Variants in PYGO2 observed in about 807,000 individuals in gnomAD.
PYGO2 encodes the protein pygopus family PHD finger 2, also known as pygopus homolog 2.
In PYGO2, 9 loss-of-function variants were observed where a neutral mutation model predicts 26.7. That is an observed-to-expected ratio of 0.34 (90% CI 0.20 to 0.59). The LOEUF is 0.59. Ranked by LOEUF, PYGO2 falls within the 20% of genes least tolerant of loss-of-function variation. The pLI is 0.84. For synonymous variants in PYGO2, 236 were observed against 219.0 expected, an observed-to-expected ratio of 1.08 and a Z score of -0.68; for missense variants, 538 against 561.5, an observed-to-expected ratio of 0.96 and a Z score of 0.42.
chr1:154,960,991 T>C lies in PYGO2; in HGVS notation c.139A>G (p.Lys47Glu). The change falls in exon 2 of 3, where the codon AAG (lysine) becomes GAG (glutamate). Residue 47 changes from lysine (K) to glutamate (E), a missense_variant. Transcript: ENST00000368457. ...CCACCATTCACCTGAGTATTTGACTTCCTTCGCTTCTTTTCTGGACTCTTC... is the reference window on the plus strand; with the variant it reads ...CCACCATTCACCTGAGTATTTGACTCCCTTCGCTTCTTTTCTGGACTCTTC... ...QMKSPEKKRR[K>E]SNTQGPAYSH... The C allele has an allele frequency of 1.9e-6, 3 of 1,614,008 alleles. No homozygotes were observed. The highest frequency in any genetic ancestry group is 2.5e-6 in the Non-Finnish European group (3 of 1,179,952).
rs1286008441 is a variant in PYGO2 at position 154,961,568 on chromosome 1, G to A, written c.9C>T (p.Ala3=). The A allele has an allele frequency of 1.5e-6, 2 of 1,366,624 alleles. No individual in the cohort carries two copies. Among genetic ancestry groups the A allele is most frequent in the Non-Finnish European group, 1.9e-6 (2 of 1,063,120 alleles). 84.7% of individuals were successfully genotyped at this position (1,366,624 alleles called of 1,614,324 possible). A position where few individuals can be genotyped will look rare whatever the true frequency, so the allele number is the denominator to read the frequency against. The change falls in exon 1 of 3, where the codon GCC becomes GCT. Residue 3 remains alanine, a synonymous_variant. Coordinates refer to ENST00000368457, the MANE Select transcript of PYGO2 (RefSeq NM_138300.4). MA[A]SAPPPPDKLE... ...GCTTGTCCGGTGGGGGCGGCGCCGA[G>A]GCGGCCATGGAGTGGGGGACCCGGG...
rs2101997923 is a variant in PYGO2, at chr1:154,961,511, AG to A, written c.65del (p.Pro22LeufsTer17). ...GCTTCCTCCCGGTGCTGGGCGGCGC[AG>A]GGGGCGGTGCGGGGCCGCCACCTCC... ...LEGGGGPAPP[P>X]APPSTGRKQG... On this transcript the variant is annotated frameshift_variant, in exon 1 of 3. Coordinates refer to ENST00000368457, the MANE Select transcript of PYGO2 (RefSeq NM_138300.4). LOFTEE classifies it high-confidence loss of function. 7 of 1,451,224 alleles carry A rather than the reference AG, an allele frequency of 4.8e-6. No individual in the cohort carries two copies. The highest frequency in any genetic ancestry group is 5.4e-5 in the Admixed American group (2 of 36,792). The allele number at this position is 1,451,224 out of a possible 1,614,324, so 89.9% of individuals were successfully genotyped here.
In PYGO2 at chr1:154,961,614, T is replaced by C. The variant is rs1571410858; in HGVS notation, c.-38A>G. The C allele has an allele frequency of 1.6e-6, 1 of 612,198 alleles. No homozygotes were observed. Among genetic ancestry groups the C allele is most frequent in the Admixed American group, 3.9e-5 (1 of 25,438 alleles). The allele number at this position is 612,198 out of a possible 1,614,324, so 37.9% of individuals were successfully genotyped here. On this transcript the variant is annotated 5_prime_UTR_variant, in exon 1 of 3. Transcript: ENST00000368457. Reference sequence around the variant, plus strand: ...CCGGGTTAGCGGCAGCGGCGGGGGATGGAGGCGCCCTTGGGCTGCACCATC... The same window carrying C: ...CCGGGTTAGCGGCAGCGGCGGGGGACGGAGGCGCCCTTGGGCTGCACCATC...
chr1:154,961,551 G>A lies in PYGO2; in HGVS notation c.26C>T (p.Pro9Leu), dbSNP rs1203737190. The A allele has an allele frequency of 7.2e-7, 1 of 1,388,150 alleles. No individual in the cohort carries two copies. Among genetic ancestry groups the A allele is most frequent in the Non-Finnish European group, 9.3e-7 (1 of 1,079,316 alleles). The allele number at this position is 1,388,150 out of a possible 1,614,324, so 86.0% of individuals were successfully genotyped here. Reference protein sequence around the residue: MAASAPPPPDKLEGGGGPA... With the variant: MAASAPPPLDKLEGGGGPA... ...GCCGCCACCTCCCTCCAGCTTGTCCGGTGGGGGCGGCGCCGAGGCGGCCAT... is the reference window on the plus strand; with the variant it reads ...GCCGCCACCTCCCTCCAGCTTGTCCAGTGGGGGCGGCGCCGAGGCGGCCAT... Residue 9 changes from proline to leucine, a missense_variant, in exon 1 of 3, where the codon CCG becomes CTG. Physicochemically the swap from Pro to Leu is moderately conservative, Grantham distance 98. This residue lies in a region of PYGO2 where 79 missense variants were observed against 92.7 expected (regional missense o/e 0.85). Coordinates refer to ENST00000368457, the MANE Select transcript of PYGO2 (RefSeq NM_138300.4).
chr1:154,961,119 C>T, intron 1 of PYGO2, 93 bp from the exon 2 acceptor site: 2 of 1,113,928 alleles, frequency 1.8e-6, no homozygotes, highest in Non-Finnish European at 2.6e-6. Flanking sequence ...ACTCCTTTAA[C>T]GTCAATACAT....
At chr1:154,961,326 C>G (rs1184440114) in intron 1 of PYGO2, 148 bp downstream of exon 1, 1 of 616,182 alleles carries the variant, frequency 1.6e-6, no homozygotes, top group Non-Finnish European at 2.7e-6. Context: ...CTGCCCCCAA[C>G]CCCTGGAGGA....
Position 154,959,542 on chromosome 1 carries a change from C to T in PYGO2, c.458G>A (p.Gly153Asp). Residue 153 changes from glycine (G) to aspartate (D), a missense_variant, in exon 3 of 3, where the codon GGC (glycine) becomes GAC (aspartate). Gly to Asp is a moderately conservative substitution (Grantham distance 94, BLOSUM62 -1). This residue lies in a region of PYGO2 where 381 missense variants were observed against 336.6 expected (regional missense o/e 1.13). Coordinates refer to ENST00000368457, the MANE Select transcript of PYGO2 (RefSeq NM_138300.4). The surrounding 1 kb of genome is among the most constrained non-coding windows in gnomAD (Gnocchi z 4.7). ...GTTCATGTTGCCTGGGGGTGGGTAG[C>T]CAGGACCCTGGGGGGGCATGTTGAA... Reference protein sequence around the residue: ...PAFNMPPQGPGYPPPGNMNFP... With the variant: ...PAFNMPPQGPDYPPPGNMNFP... 6.8e-7 allele frequency: 1 copy of T among 1,468,440 alleles called. No individual in the cohort carries two copies. Among genetic ancestry groups the T allele is most frequent in the Non-Finnish European group, 9.0e-7 (1 of 1,107,456 alleles). The allele number at this position is 1,468,440 out of a possible 1,614,324, so 91.0% of individuals were successfully genotyped here.
At chr1:154,960,846 A>C (rs947887138) in intron 2 of PYGO2, 131 bp downstream of exon 2, 1 of 930,622 alleles carries the variant, frequency 1.1e-6, no homozygotes, top group African/African-American at 1.6e-5. Flanking sequence ...CAAGAAGCAA[A>C]GCAAGAAAGA....
Position 154,959,597 on chromosome 1 carries a change from G to A in PYGO2, c.403C>T (p.Pro135Ser), listed in dbSNP as rs983928122. Reference sequence around the variant, plus strand: ...GGGCCCATAGGATTGGGAGGGAAGGGGGGTGGCTGTCGACGGAGTGGCTGG... The same window carrying A: ...GGGCCCATAGGATTGGGAGGGAAGGAGGGTGGCTGTCGACGGAGTGGCTGG... ...GPQPLRRQPP[P>S]FPPNPMGPAF... The change falls in exon 3 of 3, where the codon CCC (proline) becomes TCC (serine). Residue 135 changes from proline (P) to serine (S), a missense_variant. Pro to Ser is a moderately conservative substitution (Grantham distance 74, BLOSUM62 -1). Transcript: ENST00000368457. The surrounding 1 kb of genome is among the most constrained non-coding windows in gnomAD (Gnocchi z 4.7). 5 of 1,441,238 alleles carry A rather than the reference G, an allele frequency of 3.5e-6. No individual in the cohort carries two copies. In the Admixed American group the frequency reaches 7.9e-5, roughly 23 times the overall value. 89.3% of individuals were successfully genotyped at this position (1,441,238 alleles called of 1,614,324 possible). A position where few individuals can be genotyped will look rare whatever the true frequency, so the allele number is the denominator to read the frequency against.
intron 2 of PYGO2, 89 bp downstream of exon 2, chr1:154,960,888 A>T (rs1655336606): frequency 2.4e-6 from 3 of 1,229,640 alleles, no homozygotes; most frequent in Non-Finnish European, 1.2e-6. Flanking sequence ...CAGCTGATAC[A>T]AGATACAAAC....
chr1:154,958,903 T>C lies in PYGO2; in HGVS notation c.1097A>G (p.Tyr366Cys), dbSNP rs1333761689. Residue 366 changes from tyrosine to cysteine, a missense_variant, in exon 3 of 3, where the codon TAT becomes TGT. Around this residue, in one of 4 missense-constraint regions of PYGO2, gnomAD observed 72 missense variants for 111.9 expected, o/e 0.64. Transcript: ENST00000368457. ...RECTGMTESAYGLLTTEASAV... is the reference protein window; with the variant it reads ...RECTGMTESACGLLTTEASAV... ...AGAAGCTTCAGTGGTCAGCAGCCCATAGGCGCTCTCAGTCATGCCTGTGCA... is the reference window on the plus strand; with the variant it reads ...AGAAGCTTCAGTGGTCAGCAGCCCACAGGCGCTCTCAGTCATGCCTGTGCA... 2.5e-6 allele frequency: 4 copies of C among 1,614,022 alleles called. No individual in the cohort carries two copies. The highest frequency in any genetic ancestry group is 4.5e-5 in the East Asian group (2 of 44,880).
At position 154,958,662 on chromosome 1, in the gene PYGO2, T is replaced by C. The variant is rs1655249812; in HGVS notation, c.*117A>G. On this transcript the variant is annotated 3_prime_UTR_variant, in exon 3 of 3. Coordinates refer to ENST00000368457, the MANE Select transcript of PYGO2 (RefSeq NM_138300.4). Reference sequence around the variant, plus strand: ...TTTTCTGCTCCCAGGAGCCACTGTTTCTGCCCCATGGGGATGGAAAGCCAG... The same window carrying C: ...TTTTCTGCTCCCAGGAGCCACTGTTCCTGCCCCATGGGGATGGAAAGCCAG... 6 of 827,666 alleles carry C rather than the reference T, an allele frequency of 7.2e-6. No individual in the cohort carries two copies. Among genetic ancestry groups the C allele is most frequent in the South Asian group, 7.0e-5 (4 of 57,128 alleles). 51.3% of individuals were successfully genotyped at this position (827,666 alleles called of 1,614,324 possible). A position where few individuals can be genotyped will look rare whatever the true frequency, so the allele number is the denominator to read the frequency against.
chr1:154,960,439 GAAAA>G (rs1296806409), intron 2 of PYGO2, among the ~76,000 whole-genome samples: 1 of 133,858 alleles, frequency 7.5e-6, no homozygotes, highest in Admixed American at 7.4e-5. Context: ...AAAGAAAAAA[GAAAA>G]AAAAAAAGAC....
intron 2 of PYGO2, among the ~76,000 whole-genome samples, 159 bp from the exon 3 acceptor site, chr1:154,960,005 C>G (rs911475544): frequency 1.3e-5 from 2 of 152,154 alleles, no homozygotes. Context: ...TGGCTCACGC[C>G]TGTAATCCCA....
At chr1:154,961,387 G>A in intron 1 of PYGO2, 87 bp downstream of exon 1, 2 of 901,558 alleles carry the variant, frequency 2.2e-6, no homozygotes, top group African/African-American at 3.5e-5. Flanking sequence ...CCTTCAGACT[G>A]TGAAACACCC....
rs914510491 is a variant in PYGO2, at chr1:154,958,617, T to G, written c.*162A>C. On this transcript the variant is annotated 3_prime_UTR_variant, in exon 3 of 3. Coordinates refer to ENST00000368457, the MANE Select transcript of PYGO2 (RefSeq NM_138300.4). ...AAACAGTGAGCAATCCAGGCTCTTC[T>G]GCCTGCCCACCTCAATTCCTTTTCT... is the stretch of plus-strand genomic sequence containing the variant. 1.1e-5 allele frequency: 7 copies of G among 624,520 alleles called. No individual in the cohort carries two copies. Among genetic ancestry groups the G allele is most frequent in the Non-Finnish European group, 1.7e-5 (6 of 358,682 alleles). 38.7% of individuals were successfully genotyped at this position (624,520 alleles called of 1,614,324 possible). A position where few individuals can be genotyped will look rare whatever the true frequency, so the allele number is the denominator to read the frequency against.
Position 154,959,571 on chromosome 1 carries a change from A to G in PYGO2, c.429T>C (p.Pro143=), listed in dbSNP as rs748419699. The change falls in exon 3 of 3, where the codon CCT becomes CCC. Residue 143 remains proline, a synonymous_variant. Coordinates refer to ENST00000368457, the MANE Select transcript of PYGO2 (RefSeq NM_138300.4). The surrounding 1 kb of genome is among the most constrained non-coding windows in gnomAD (Gnocchi z 4.7). ...GACCCTGGGGGGGCATGTTGAAAGCAGGGCCCATAGGATTGGGAGGGAAGG... is the reference window on the plus strand; with the variant it reads ...GACCCTGGGGGGGCATGTTGAAAGCGGGGCCCATAGGATTGGGAGGGAAGG... ...PPPFPPNPMG[P]AFNMPPQGPG... is the part of the protein sequence containing the mutation. The G allele has an allele frequency of 2.1e-6, 3 of 1,448,704 alleles. No individual in the cohort carries two copies. The highest frequency in any genetic ancestry group is 3.1e-5 in the South Asian group (2 of 65,006). 89.7% of individuals were successfully genotyped at this position (1,448,704 alleles called of 1,614,324 possible).
In PYGO2 at chr1:154,959,567, A is replaced by C. The variant is rs1655275636; in HGVS notation, c.433T>G (p.Phe145Val). 1 of 1,460,792 alleles carries C rather than the reference A, an allele frequency of 6.8e-7. No individual in the cohort carries two copies. Among genetic ancestry groups the C allele is most frequent in the South Asian group, 1.5e-5 (1 of 67,150 alleles). 90.5% of individuals were successfully genotyped at this position (1,460,792 alleles called of 1,614,324 possible). A position where few individuals can be genotyped will look rare whatever the true frequency, so the allele number is the denominator to read the frequency against. Residue 145 changes from phenylalanine (F) to valine (V), a missense_variant, in exon 3 of 3, where the codon TTC becomes GTC. By Grantham distance (50) the Phe-to-Val change is conservative. Coordinates refer to ENST00000368457, the MANE Select transcript of PYGO2 (RefSeq NM_138300.4). This position sits in a 1 kb window ranked among gnomAD's most constrained non-coding sequence, Gnocchi z 4.7. ...CCAGGACCCTGGGGGGGCATGTTGA[A>C]AGCAGGGCCCATAGGATTGGGAGGG... ...PFPPNPMGPAFNMPPQGPGYP... is the reference protein window; with the variant it reads ...PFPPNPMGPAVNMPPQGPGYP...
In PYGO2 at chr1:154,961,571, G is replaced by A. The variant is rs1201115984; in HGVS notation, c.6C>T (p.Ala2=). M[A]ASAPPPPDKL... is the part of the protein sequence containing the mutation. Reference sequence around the variant, plus strand: ...TGTCCGGTGGGGGCGGCGCCGAGGCGGCCATGGAGTGGGGGACCCGGGTTA... The same window carrying A: ...TGTCCGGTGGGGGCGGCGCCGAGGCAGCCATGGAGTGGGGGACCCGGGTTA... The change falls in exon 1 of 3, where the codon GCC becomes GCT. Residue 2 remains alanine, a synonymous_variant. Transcript: ENST00000368457. 1 of 1,351,344 alleles carries A rather than the reference G, an allele frequency of 7.4e-7. No individual in the cohort carries two copies. The highest frequency in any genetic ancestry group is 3.7e-5 in the Admixed American group (1 of 27,158). The allele number at this position is 1,351,344 out of a possible 1,614,324, so 83.7% of individuals were successfully genotyped here.
Sources: allele counts gnomAD v4.1 joint callset (sites outside exome capture counted in the v4.1 genomes callset), GRCh38; gene constraint gnomAD v4.1.1; regional missense constraint gnomAD v4.1.1; non-coding constraint Gnocchi (gnomAD v3.1); transcripts MANE v1.5; gene names NCBI Gene and HGNC (gene_info 2026-07-23, HGNC 2026-07-21).